Variants in SLC9C2 observed in about 807,000 individuals in gnomAD.
SLC9C2 encodes sodium/hydrogen exchanger 11.
Under a neutral mutation model 140.2 loss-of-function variants are expected in SLC9C2, and 75 were observed. That is an observed-to-expected ratio of 0.53 (90% CI 0.44 to 0.65). SLC9C2 has a LOEUF of 0.65. Among genes scored for constraint, SLC9C2 ranks in the 30% least tolerant of loss-of-function variants. SLC9C2 has a pLI of 0.00. For missense variants in SLC9C2, 1,074 were observed against 1,331.8 expected (o/e 0.81, Z 3.01); for synonymous variants, 375 against 420.9 (o/e 0.89, Z 1.34).
chr1:173,510,551 G>T (rs1659969479), intron 23 of SLC9C2, among the ~76,000 whole-genome samples: 1 of 152,030 alleles, frequency 6.6e-6, no homozygotes, highest in African/African-American at 2.4e-5. Context: ...TGTTCTCATT[G>T]TTCAACTCCC....
At chr1:173,568,871 G>A (rs1344962250) in intron 9 of SLC9C2, among the ~76,000 whole-genome samples, 1 of 152,120 alleles carries the variant, frequency 6.6e-6, no homozygotes, top group East Asian at 1.9e-4. Flanking sequence ...AGTATTCTAT[G>A]TTTTTGTGTG....
At chr1:173,524,487 G>A (rs370501790) in intron 20 of SLC9C2, among the ~76,000 whole-genome samples, 5 of 152,104 alleles carry the variant, frequency 3.3e-5, no homozygotes, top group African/African-American at 1.2e-4. Flanking sequence ...CACATATCCT[G>A]GCTATTGTGG....
At chr1:173,543,472 A>G (rs142640339) in intron 13 of SLC9C2, among the ~76,000 whole-genome samples, 1,549 of 152,310 alleles carry the variant, frequency 0.01, 33 homozygotes, top group African/African-American at 0.036. Context: ...CCAAGCTACC[A>G]ATGACTTTCT....
chr1:173,508,923 G>C (rs544841152), intron 24 of SLC9C2, among the ~76,000 whole-genome samples: 2 of 152,286 alleles, frequency 1.3e-5, no homozygotes, highest in African/African-American at 4.8e-5. Flanking sequence ...CATCGGCAGA[G>C]TAGGCAATAA....
chr1:173,535,990 A>G (rs370496317), intron 14 of SLC9C2, 41 bp from the exon 15 acceptor site: 226 of 1,458,212 alleles, frequency 1.5e-4, no homozygotes, highest in Admixed American at 1.8e-4. Flanking sequence ...AATAAAAAGC[A>G]AGTGCTATAC....
intron 5 of SLC9C2, among the ~76,000 whole-genome samples, chr1:173,585,597 CTGAG>C (rs964860978): frequency 2.0e-5 from 3 of 152,108 alleles, no homozygotes; most frequent in African/African-American, 7.2e-5. Flanking sequence ...ATCTAACCTC[CTGAG>C]TGTTATTGAC....
chr1:173,536,267 C>A (rs909654428), intron 14 of SLC9C2, among the ~76,000 whole-genome samples: 1 of 152,186 alleles, frequency 6.6e-6, no homozygotes, highest in African/African-American at 2.4e-5. Context: ...CCTGAAAGCT[C>A]TAACTTTCCC....
intron 9 of SLC9C2, among the ~76,000 whole-genome samples, chr1:173,562,491 C>T (rs1396281224): frequency 6.6e-6 from 1 of 152,150 alleles, no homozygotes; most frequent in African/African-American, 2.4e-5. Context: ...CTTAAAAATA[C>T]ACACGTCAAG....
intron 24 of SLC9C2, 135 bp from the exon 25 acceptor site, chr1:173,507,176 G>T: frequency 1.5e-6 from 1 of 683,876 alleles, no homozygotes; most frequent in Non-Finnish European, 2.4e-6. Context: ...CAACAGACAG[G>T]ATTTATTTAG....
intron 15 of SLC9C2, 127 bp downstream of exon 15, chr1:173,535,699 ACCAC>A: frequency 9.0e-7 from 1 of 1,111,000 alleles, no homozygotes; most frequent in Non-Finnish European, 1.2e-6. Flanking sequence ...AGAAGCAAGC[ACCAC>A]CCAATCAGTG....
At position 173,557,469 on chromosome 1, in the gene SLC9C2, A is replaced by G. The variant is rs1177276537; in HGVS notation, c.1086T>C (p.His362=). Residue 362 remains histidine (H), a synonymous_variant, in exon 10 of 28, where the codon CAT becomes CAC. Transcript: ENST00000367714. ...TILLVSPILM[H]SNYEYNWRWG... is the part of the protein sequence containing the mutation. ...ATCGCCAATTATATTCATAATTTGAATGCATCAAAATAGGGCTCACTAACA... is the reference window on the plus strand; with the variant it reads ...ATCGCCAATTATATTCATAATTTGAGTGCATCAAAATAGGGCTCACTAACA... 3 of 1,613,744 alleles carry G rather than the reference A, an allele frequency of 1.9e-6. No homozygotes were observed. The highest frequency in any genetic ancestry group is 1.1e-5 in the South Asian group (1 of 91,018).
At chr1:173,568,059 T>G (rs978334517) in intron 9 of SLC9C2, among the ~76,000 whole-genome samples, 10 of 152,194 alleles carry the variant, frequency 6.6e-5, no homozygotes, top group Non-Finnish European at 1.2e-4. Context: ...TAATTACAAC[T>G]ACAACAAATG....
At position 173,547,564 on chromosome 1, in the gene SLC9C2, A is replaced by G. The variant is rs559936422; in HGVS notation, c.1557+125T>C. 64 of 631,130 alleles carry G rather than the reference A, an allele frequency of 1.0e-4. No homozygotes were observed. In the South Asian group the frequency reaches 2.1e-3, roughly 20 times the overall value. The allele number at this position is 631,130 out of a possible 1,614,324, so 39.1% of individuals were successfully genotyped here. ...TTATTTTTTAACTTTAACAAATCAC[A>G]CATTAATTTTAACAATCAATAGACT... On this transcript the variant is annotated intron_variant, in intron 13 of 27. Transcript: ENST00000367714.
At chr1:173,553,811 T>C (rs1157965970) in intron 11 of SLC9C2, among the ~76,000 whole-genome samples, 1 of 152,232 alleles carries the variant, frequency 6.6e-6, no homozygotes, top group Non-Finnish European at 1.5e-5. Context: ...CTCCAAGTTA[T>C]GCCTGATATG....
chr1:173,584,440 G>A (rs919869692), intron 5 of SLC9C2, among the ~76,000 whole-genome samples: 1 of 152,112 alleles, frequency 6.6e-6, no homozygotes, highest in African/African-American at 2.4e-5. Context: ...GCCTGCTGAT[G>A]ATAAATTCTT....
intron 13 of SLC9C2, among the ~76,000 whole-genome samples, chr1:173,545,267 T>C (rs932518219): frequency 2.6e-5 from 4 of 152,204 alleles, no homozygotes; most frequent in African/African-American, 9.6e-5. Context: ...ATTTTTACGG[T>C]AATTGTGCTA....
rs138065371 is a variant in SLC9C2, at chr1:173,564,286, T to A, written c.1047-6778A>T. On this transcript the variant is annotated intron_variant, in intron 9 of 27. Coordinates refer to ENST00000367714, the MANE Select transcript of SLC9C2 (RefSeq NM_178527.4). The stretch of plus-strand genomic sequence containing the variant: ...TTTTGAGGAACCTCCAAAATATTCT[T>A]TGTAGTGGTTGTACTAATCTACATT... Among the ~76,000 whole-genome samples, 646 of 152,342 alleles carry A rather than the reference T, an allele frequency of 4.2e-3. 8 individuals carry two copies. Among genetic ancestry groups the A allele is most frequent in the African/African-American group, 0.015 (614 of 41,566 alleles).
At chr1:173,531,681 T>C (rs1312464274) in intron 17 of SLC9C2, among the ~76,000 whole-genome samples, 9 of 152,248 alleles carry the variant, frequency 5.9e-5, no homozygotes, top group Admixed American at 5.9e-4. Context: ...TATGCCTTTC[T>C]TCATCTACAA....
At chr1:173,564,798 T>A (rs1664352391) in intron 9 of SLC9C2, among the ~76,000 whole-genome samples, 1 of 149,494 alleles carries the variant, frequency 6.7e-6, no homozygotes, top group African/African-American at 2.5e-5. Flanking sequence ...CCACCACGCC[T>A]GGCTAATTTT....
Sources: gnomAD v4.1 joint callset for allele counts (sites outside exome capture counted in the v4.1 genomes callset) on GRCh38, gnomAD v4.1.1 for gene constraint, MANE v1.5 for transcripts, NCBI Gene and HGNC (gene_info 2026-07-23, HGNC 2026-07-21) for gene names.